SDK2: variants seen among roughly 807,000 people sequenced by gnomAD.
The protein encoded by SDK2 is protein sidekick-2.
SDK2 carries 105 observed loss-of-function variants against 253.9 expected under a neutral mutation model. The observed-to-expected ratio is 0.41, with a 90% CI of 0.35 to 0.49. The LOEUF (loss-of-function observed/expected upper bound fraction) is 0.49. Ranked by LOEUF, SDK2 falls within the 20% of genes least tolerant of loss-of-function variation. The pLI is 0.06. For synonymous variants in SDK2, 1,249 were observed against 1,234.9 expected (o/e 1.01, Z -0.24); for missense variants, 2,608 against 3,003.0 (o/e 0.87, Z 3.07).
At chr17:73,582,803 C>T (rs924223091) in intron 1 of SDK2, among the ~76,000 whole-genome samples, 1 of 152,220 alleles carries the variant, frequency 6.6e-6, no homozygotes, top group Non-Finnish European at 1.5e-5. Flanking sequence ...CTGGAAGATT[C>T]TGTGCTCCCC....
intron 1 of SDK2, among the ~76,000 whole-genome samples, chr17:73,611,473 C>T (rs932930800): frequency 6.6e-5 from 10 of 152,228 alleles, no homozygotes; most frequent in East Asian, 1.9e-4. Context: ...CCTTGCTGGA[C>T]GCCCAAGTCC....
chr17:73,399,954 G>GT (rs1404410574), intron 21 of SDK2, among the ~76,000 whole-genome samples: 1 of 152,174 alleles, frequency 6.6e-6, no homozygotes, highest in Non-Finnish European at 1.5e-5. Flanking sequence ...CTCCCTCAGG[G>GT]TTGTTGTGAG....
rs1302332766 is a variant in SDK2, at chr17:73,416,121, G to A, written c.2187-129C>T. The stretch of plus-strand genomic sequence containing the variant: ...GGCGGAAGTGCTCTGCACCTGTGCT[G>A]TCCGACAGGGTGCCCGCCAGCACAT... On this transcript the variant is annotated intron_variant, in intron 16 of 44. Transcript: ENST00000392650. The A allele has an allele frequency of 6.7e-6, 5 of 745,892 alleles. No homozygotes were observed. In the African/African-American group the frequency reaches 8.7e-5, roughly 13 times the overall value. The allele number at this position is 745,892 out of a possible 1,614,324, so 46.2% of individuals were successfully genotyped here.
Position 73,644,132 on chromosome 17 carries a change from C to A in SDK2, c.-44G>T. The A allele has an allele frequency of 1.3e-6, 2 of 1,495,536 alleles. No homozygotes were observed. Among genetic ancestry groups the A allele is most frequent in the Non-Finnish European group, 1.8e-6 (2 of 1,096,346 alleles). The allele number at this position is 1,495,536 out of a possible 1,614,324, so 92.6% of individuals were successfully genotyped here. On this transcript the variant is annotated 5_prime_UTR_variant, in exon 1 of 45. Transcript: ENST00000392650. The surrounding 1 kb of genome is among the most constrained non-coding windows in gnomAD (Gnocchi z 6.3). ...GGGTCCTCGGGGTCTCCCTTCCCTC[C>A]GCCCTGTTTTATAATCCTGGTGGGG...
At chr17:73,417,140 G>A (rs1462746936) in intron 16 of SDK2, among the ~76,000 whole-genome samples, 5 of 151,390 alleles carry the variant, frequency 3.3e-5, no homozygotes, top group South Asian at 2.1e-4. Context: ...ATGGTGGCTC[G>A]TACCTATAAT....
At chr17:73,589,946 G>T (rs746405260) in intron 1 of SDK2, among the ~76,000 whole-genome samples, 1 of 152,276 alleles carries the variant, frequency 6.6e-6, no homozygotes, top group Non-Finnish European at 1.5e-5. Flanking sequence ...GCAAGCAGCT[G>T]TCAGGCAGGA....
At chr17:73,519,693 GTT>G (rs908316184) in intron 1 of SDK2, 13 of 152,136 alleles carry the variant, frequency 8.5e-5, no homozygotes, top group Admixed American at 6.5e-4. Context: ...GCAGAGCTGG[GTT>G]TTGAACCCAT....
chr17:73,614,320 C>T lies in SDK2; in HGVS notation c.64+29705G>A, dbSNP rs530830227. 2.0e-4 allele frequency among the ~76,000 whole-genome samples: 31 copies of T among 152,242 alleles called. 1 individual carries two copies. The South Asian group carries it at 6.2e-3, about 31-fold the overall frequency. On this transcript the variant is annotated intron_variant, in intron 1 of 44. Coordinates refer to ENST00000392650, the MANE Select transcript of SDK2 (RefSeq NM_001144952.2). The stretch of plus-strand genomic sequence containing the variant: ...GCTCTTCCAGAAAGCTTCTCGAACC[C>T]GAGGATGGACCACGTTTCCTGCCCT...
chr17:73,364,263 C>T (rs1233281422), intron 38 of SDK2, among the ~76,000 whole-genome samples: 1 of 152,148 alleles, frequency 6.6e-6, no homozygotes, highest in Non-Finnish European at 1.5e-5. Context: ...TGCCCATTGT[C>T]AGGGGCTGCG....
At chr17:73,387,445 A>G (rs1372454196) in intron 30 of SDK2, among the ~76,000 whole-genome samples, 1 of 152,240 alleles carries the variant, frequency 6.6e-6, no homozygotes, top group East Asian at 1.9e-4. Flanking sequence ...AATATAAAAA[A>G]TTCAACCCAC....
chr17:73,375,057 T>C (rs2062766255), intron 36 of SDK2, among the ~76,000 whole-genome samples: 1 of 151,674 alleles, frequency 6.6e-6, no homozygotes, highest in Non-Finnish European at 1.5e-5. Flanking sequence ...CCCATTGCGC[T>C]CCCTGGAACT....
At chr17:73,400,260 GA>G (rs2063011044) in intron 21 of SDK2, among the ~76,000 whole-genome samples, 1 of 152,222 alleles carries the variant, frequency 6.6e-6, no homozygotes, top group African/African-American at 2.4e-5. Context: ...GCAGAGCTGA[GA>G]GTGGACCTCG....
intron 5 of SDK2, among the ~76,000 whole-genome samples, chr17:73,445,148 A>G (rs772121355): frequency 1.3e-4 from 20 of 152,206 alleles, no homozygotes; most frequent in Admixed American, 3.3e-4. Flanking sequence ...GAGATGTGAT[A>G]TAAGCGTAAA....
At chr17:73,466,728 G>A (rs2410769) in intron 3 of SDK2, among the ~76,000 whole-genome samples, 2 of 75,598 alleles carry the variant, frequency 2.6e-5, no homozygotes, top group Non-Finnish European at 5.3e-5. Flanking sequence ...CCCCCCCCCC[G>A]GCTTAGGCTC....
rs115380767 is a variant in SDK2, at chr17:73,524,391, T to G, written c.65-16794A>C. Reference sequence around the variant, plus strand: ...ACCCTTCTTTTTCTGTTGCCTCCCCTCTTTCCCAGAACTAAAATTCCTGCC... The same window carrying G: ...ACCCTTCTTTTTCTGTTGCCTCCCCGCTTTCCCAGAACTAAAATTCCTGCC... On this transcript the variant is annotated intron_variant, in intron 1 of 44. Transcript: ENST00000392650. Among the ~76,000 whole-genome samples the G allele has an allele frequency of 6.9e-3, 1,046 of 152,206 alleles. 8 individuals are homozygous for G. The highest frequency in any genetic ancestry group is 0.018 in the African/African-American group (764 of 41,526).
intron 1 of SDK2, among the ~76,000 whole-genome samples, chr17:73,543,586 G>A (rs1157581685): frequency 6.6e-6 from 1 of 152,236 alleles, no homozygotes; most frequent in Non-Finnish European, 1.5e-5. Context: ...TTAACACAAG[G>A]GATGTGGGCT....
rs764376018 is a variant in SDK2 at position 73,380,935 on chromosome 17, C to T, written c.4721G>A (p.Arg1574Gln). ...WAELTSMYSM[R>Q]NLSRPSLTQY... is the part of the protein sequence containing the mutation. ...CGTGAGGCTGGGCCGGCTCAGGTTC[C>T]GCATGGAGTACATGGCTATGGGGTG... The change falls in exon 34 of 45, where the codon CGG becomes CAG. Residue 1574 changes from arginine to glutamine, a missense_variant. Arg to Gln is a conservative substitution (Grantham distance 43). This residue lies in a region of SDK2 where 1,103 missense variants were observed against 1,143.9 expected (regional missense o/e 0.96). Coordinates refer to ENST00000392650, the MANE Select transcript of SDK2 (RefSeq NM_001144952.2). 38 of 1,496,576 alleles carry T rather than the reference C, an allele frequency of 2.5e-5. No individual in the cohort carries two copies. Among genetic ancestry groups the T allele is most frequent in the East Asian group, 1.9e-4 (7 of 37,408 alleles). The allele number at this position is 1,496,576 out of a possible 1,614,324, so 92.7% of individuals were successfully genotyped here.
At chr17:73,555,883 T>C (rs1162691552) in intron 1 of SDK2, among the ~76,000 whole-genome samples, 3 of 152,164 alleles carry the variant, frequency 2.0e-5, no homozygotes, top group Admixed American at 2.0e-4. Flanking sequence ...ACCTTGCTCC[T>C]GGGAAAGACA....
chr17:73,531,735 G>A (rs2064170592), intron 1 of SDK2, among the ~76,000 whole-genome samples: 1 of 152,178 alleles, frequency 6.6e-6, no homozygotes, highest in Non-Finnish European at 1.5e-5. Context: ...TCCTCAATGG[G>A]GAACACATAG....
Sources: gnomAD v4.1 joint callset for allele counts (sites outside exome capture counted in the v4.1 genomes callset) on GRCh38, gnomAD v4.1.1 for gene constraint, gnomAD v4.1.1 regional missense constraint, Gnocchi (gnomAD v3.1) non-coding constraint, MANE v1.5 for transcripts, NCBI Gene and HGNC (gene_info 2026-07-23, HGNC 2026-07-21) for gene names.